Variants in SYTL3 observed in about 807,000 individuals in gnomAD.
The protein encoded by SYTL3 is synaptotagmin-like protein 3.
A neutral mutation model predicts 82.1 loss-of-function variants in SYTL3; 88 were observed. That is an observed-to-expected ratio of 1.07 (90% CI 0.90 to 1.28). The LOEUF is 1.28. Among genes scored for constraint, SYTL3 ranks in the 50% most tolerant of loss-of-function variants. The probability of loss-of-function intolerance (pLI) is 0.00; values close to 1 mark genes in which losing one functional copy is unlikely to be tolerated. For synonymous variants in SYTL3, 311 were observed against 289.4 expected, an observed-to-expected ratio of 1.07 and a Z score of -0.76; for missense variants, 831 against 757.6, an observed-to-expected ratio of 1.10 and a Z score of -1.14.
At chr6:158,758,863 G>A (rs1428346619) in intron 14 of SYTL3, among the ~76,000 whole-genome samples, 2 of 152,110 alleles carry the variant, frequency 1.3e-5, no homozygotes, top group Non-Finnish European at 2.9e-5. Context: ...AGCTCAGGAC[G>A]CCTGCCATCT....
At chr6:158,658,916 C>T (rs372922996) in intron 2 of SYTL3, among the ~76,000 whole-genome samples, 3 of 151,988 alleles carry the variant, frequency 2.0e-5, no homozygotes, top group Non-Finnish European at 4.4e-5. Flanking sequence ...GTGACAAGAG[C>T]GAAACTCCAT....
At chr6:158,689,820 AT>A (rs1415459550) in intron 6 of SYTL3, among the ~76,000 whole-genome samples, 1 of 151,828 alleles carries the variant, frequency 6.6e-6, no homozygotes, top group Non-Finnish European at 1.5e-5. Flanking sequence ...TGCTCAGCTG[AT>A]TTTTGTATTT....
At chr6:158,705,062 G>A (rs867406343) in intron 6 of SYTL3, among the ~76,000 whole-genome samples, 10 of 66,852 alleles carry the variant, frequency 1.5e-4, no homozygotes, top group South Asian at 5.8e-4. Context: ...GGAGGGACCC[G>A]GGGCAGGGTG....
intron 6 of SYTL3, among the ~76,000 whole-genome samples, chr6:158,687,677 A>G (rs1779437678): frequency 6.6e-6 from 1 of 152,140 alleles, no homozygotes; most frequent in African/African-American, 2.4e-5. Context: ...AAATCCTGAC[A>G]TTTCTGCCTC....
intron 13 of SYTL3, among the ~76,000 whole-genome samples, chr6:158,757,006 C>T (rs961712944): frequency 9.3e-5 from 14 of 151,258 alleles, no homozygotes; most frequent in African/African-American, 3.4e-4. Flanking sequence ...GAGGACCCCC[C>T]CGCCCCACCC....
At chr6:158,700,127 G>A (rs775345304) in intron 6 of SYTL3, among the ~76,000 whole-genome samples, 9 of 151,834 alleles carry the variant, frequency 5.9e-5, no homozygotes, top group South Asian at 2.1e-4. Flanking sequence ...GTGGTGGTGC[G>A]TGCCTGTAAT....
In SYTL3 at chr6:158,745,633, GAAGAA is replaced by G. The variant is rs1420455644; in HGVS notation, c.1015_1019del (p.Lys339GlufsTer81). 1 of 1,597,926 alleles carries G rather than the reference GAAGAA, an allele frequency of 6.3e-7. No homozygotes were observed. The highest frequency in any genetic ancestry group is 1.8e-5 in the Admixed American group (1 of 55,380). On this transcript the variant is annotated frameshift_variant, in exon 12 of 18. Transcript: ENST00000611299. LOFTEE classifies it high-confidence loss of function. ...GGCCTGTAAGAACCTTGCCTATGGA[GAAGAA>G]AAGAAGAAAAAGTGCAATCCGTAAG...
intron 8 of SYTL3, among the ~76,000 whole-genome samples, chr6:158,708,677 G>A (rs1782399450): frequency 6.6e-6 from 1 of 152,186 alleles, no homozygotes; most frequent in Admixed American, 6.5e-5. Flanking sequence ...CCCCAACTCT[G>A]CTCTGTGCTG....
intron 5 of SYTL3, among the ~76,000 whole-genome samples, chr6:158,668,041 A>G (rs1790292200): frequency 1.3e-5 from 2 of 152,146 alleles, no homozygotes; most frequent in African/African-American, 4.8e-5. Context: ...TGGGGTAGCT[A>G]CTACTTTCAT....
chr6:158,667,129 G>A (rs959711912), intron 5 of SYTL3, among the ~76,000 whole-genome samples: 2 of 152,168 alleles, frequency 1.3e-5, no homozygotes, highest in African/African-American at 2.4e-5. Context: ...GCTGGGCAGG[G>A]TGTTACATTT....
chr6:158,663,215 C>T lies in SYTL3; in HGVS notation c.-54C>T. 6.4e-7 allele frequency: 1 copy of T among 1,556,374 alleles called. No individual in the cohort carries two copies. Among genetic ancestry groups the T allele is most frequent in the Non-Finnish European group, 8.9e-7 (1 of 1,128,732 alleles). Reference sequence around the variant, plus strand: ...GCCGCTCATCTGCAGGGCGTGAGCGCTTGGTCCATGCAGTGAAGCTCTTCC... The same window carrying T: ...GCCGCTCATCTGCAGGGCGTGAGCGTTTGGTCCATGCAGTGAAGCTCTTCC... On this transcript the variant is annotated 5_prime_UTR_variant, in exon 4 of 18. Transcript: ENST00000611299.
chr6:158,695,705 C>T (rs1434445396), intron 6 of SYTL3, among the ~76,000 whole-genome samples: 1 of 152,194 alleles, frequency 6.6e-6, no homozygotes, highest in African/African-American at 2.4e-5. Context: ...CCTCCCCTTC[C>T]CCCACTGTCC....
At chr6:158,753,130 G>GGA in intron 13 of SYTL3, among the ~76,000 whole-genome samples, 1 of 140,868 alleles carries the variant, frequency 7.1e-6, no homozygotes, top group South Asian at 2.2e-4. Flanking sequence ...CGCCCAGGCT[G>GGA]GAGTGCAGTG....
chr6:158,749,159 A>G (rs1013157962), intron 12 of SYTL3, among the ~76,000 whole-genome samples: 1 of 152,088 alleles, frequency 6.6e-6, no homozygotes. Flanking sequence ...CAGGAGGCAG[A>G]GGTTGCAGTG....
Position 158,713,984 on chromosome 6 carries a change from CTCACTTTG to C in SYTL3, c.595+109_595+116del. The C allele has an allele frequency of 5.1e-6, 4 of 777,992 alleles. No individual in the cohort carries two copies. In the Admixed American group the frequency reaches 8.1e-5, roughly 16 times the overall value. The allele number at this position is 777,992 out of a possible 1,614,324, so 48.2% of individuals were successfully genotyped here. On this transcript the variant is annotated intron_variant, in intron 9 of 17. Coordinates refer to ENST00000611299, the MANE Select transcript of SYTL3 (RefSeq NM_001242394.2). ...TCGGTTGACACTGTCCCTCAGGCCA[CTCACTTTG>C]TCTCTGGACCCTGGGGAAAGCCACA...
intron 14 of SYTL3, among the ~76,000 whole-genome samples, chr6:158,757,717 G>A (rs1033097362): frequency 6.6e-6 from 1 of 152,208 alleles, no homozygotes; most frequent in Non-Finnish European, 1.5e-5. Flanking sequence ...GCCTTTCCCT[G>A]GGGGCACCGC....
In SYTL3 at chr6:158,726,040, CAT is replaced by C. The variant is rs567850099; in HGVS notation, c.855+404_855+405del. ...CGCAGTCCACGTGTGTGTCCAATCT[CAT>C]GTGTTAAAATCTTACAGGATCAATG... On this transcript the variant is annotated intron_variant, in intron 11 of 17. Coordinates refer to ENST00000611299, the MANE Select transcript of SYTL3 (RefSeq NM_001242394.2). 1,055 of 588,312 alleles carry C rather than the reference CAT, an allele frequency of 1.8e-3. 15 individuals are homozygous for C. Among genetic ancestry groups the C allele is most frequent in the South Asian group, 0.014 (898 of 66,060 alleles). The allele number at this position is 588,312 out of a possible 1,614,324, so 36.4% of individuals were successfully genotyped here. A position where few individuals can be genotyped will look rare whatever the true frequency, so the allele number is the denominator to read the frequency against.
upstream of SYTL3, among the ~76,000 whole-genome samples, chr6:158,648,230 T>C (rs373887653): frequency 4.7e-4 from 71 of 151,360 alleles, 3 homozygotes; most frequent in South Asian, 0.015. Context: ...GAGGCAGAGA[T>C]TGCGGTGAGC....
intron 6 of SYTL3, 88 bp downstream of exon 6, chr6:158,683,077 C>A: frequency 1.0e-6 from 1 of 957,630 alleles, no homozygotes; most frequent in Non-Finnish European, 1.6e-6. Flanking sequence ...ATATAAGCAA[C>A]ATGATGGGTG....
Sources: gnomAD v4.1 joint callset for allele counts (sites outside exome capture counted in the v4.1 genomes callset) on GRCh38, gnomAD v4.1.1 for gene constraint, MANE v1.5 for transcripts, NCBI Gene and HGNC (gene_info 2026-07-23, HGNC 2026-07-21) for gene names.